NPFFR2: variants seen among roughly 807,000 people sequenced by gnomAD.
The protein encoded by NPFFR2 is G-protein coupled receptor 74.
A neutral mutation model predicts 13.1 loss-of-function variants in NPFFR2; 15 were observed. The ratio of observed to expected loss-of-function variants is 1.15; its 90% confidence interval spans 0.77 to 1.76. The LOEUF (loss-of-function observed/expected upper bound fraction) is 1.76. NPFFR2 is among the 40% of genes most tolerant of loss of function. The pLI, the probability that NPFFR2 is intolerant of heterozygous loss-of-function variation, is 0.00. For synonymous variants in NPFFR2, 190 were observed against 175.7 expected (o/e 1.08, Z -0.65); for missense variants, 572 against 503.5 (o/e 1.14, Z -1.30).
chr4:72,121,497 G>C (rs963415309), intron 1 of NPFFR2, among the ~76,000 whole-genome samples: 2 of 152,162 alleles, frequency 1.3e-5, no homozygotes, highest in East Asian at 3.9e-4. Flanking sequence ...AGGGCAACCA[G>C]AGAGAAAGGT....
chr4:72,127,168 G>A (rs756459391), intron 1 of NPFFR2, among the ~76,000 whole-genome samples: 2 of 150,460 alleles, frequency 1.3e-5, no homozygotes. Flanking sequence ...GCTGGGCGTG[G>A]TGGCGGGTGC....
intron 1 of NPFFR2, among the ~76,000 whole-genome samples, chr4:72,115,461 G>A (rs1721686186): frequency 6.6e-6 from 1 of 152,134 alleles, no homozygotes. Context: ...GGAGGGCATG[G>A]GAATAACTGC....
At chr4:72,039,484 C>A in intron 1 of NPFFR2, 1 of 593,920 alleles carries the variant, frequency 1.7e-6, no homozygotes, top group Non-Finnish European at 2.1e-6. Flanking sequence ...CATATATACA[C>A]TCTCAAATCA....
At chr4:72,098,555 A>C (rs1004659046) in intron 1 of NPFFR2, among the ~76,000 whole-genome samples, 4 of 152,084 alleles carry the variant, frequency 2.6e-5, no homozygotes, top group African/African-American at 4.8e-5. Context: ...TTCTTCTTCC[A>C]GTGTGGTCTA....
chr4:72,090,536 C>G (rs1400370027), intron 1 of NPFFR2, among the ~76,000 whole-genome samples: 1 of 152,068 alleles, frequency 6.6e-6, no homozygotes, highest in South Asian at 2.1e-4. Flanking sequence ...AGAGATCTCT[C>G]ACCCCTCTGG....
intron 1 of NPFFR2, among the ~76,000 whole-genome samples, chr4:72,038,111 T>G (rs560381678): frequency 6.6e-5 from 10 of 152,264 alleles, no homozygotes; most frequent in Middle Eastern, 3.4e-3. Flanking sequence ...CATTCTCAAT[T>G]ACAACTTTTG....
intron 1 of NPFFR2, among the ~76,000 whole-genome samples, chr4:72,108,148 G>A (rs1379408184): frequency 6.6e-6 from 1 of 151,966 alleles, no homozygotes; most frequent in East Asian, 1.9e-4. Context: ...ATATACCACA[G>A]CAGAGTGAGG....
chr4:72,068,433 G>A (rs1457228326), intron 1 of NPFFR2, among the ~76,000 whole-genome samples: 3 of 152,186 alleles, frequency 2.0e-5, no homozygotes, highest in Non-Finnish European at 4.4e-5. Context: ...GAGCCCTCAT[G>A]CTCTAATCAC....
chr4:72,083,844 G>T lies in NPFFR2; in HGVS notation c.-7-44741G>T, dbSNP rs371170036. 3.9e-5 allele frequency among the ~76,000 whole-genome samples: 6 copies of T among 152,054 alleles called. No individual in the cohort carries two copies. The East Asian group carries it at 9.7e-4, about 24-fold the overall frequency. ...CTAAAAGGCATCTTATATTTAGTACGGCCAAAACATAACAGGCTTTCCAAC... is the reference window on the plus strand; with the variant it reads ...CTAAAAGGCATCTTATATTTAGTACTGCCAAAACATAACAGGCTTTCCAAC... On this transcript the variant is annotated intron_variant, in intron 1 of 3. Coordinates refer to ENST00000308744, the MANE Select transcript of NPFFR2 (RefSeq NM_004885.3).
rs752628795 is a variant in NPFFR2, at chr4:72,146,989, T to C, written c.440T>C (p.Val147Ala). 14 of 1,608,998 alleles carry C rather than the reference T, an allele frequency of 8.7e-6. No homozygotes were observed. Among genetic ancestry groups the C allele is most frequent in the East Asian group, 4.5e-5 (2 of 44,810 alleles). ...VAIAVDRFQC[V>A]VYPFKPKLTI... ...GTGTTTAATTGCAGGTTCCAGTGTGTGGTCTACCCTTTTAAACCAAAGCTC... is the reference window on the plus strand; with the variant it reads ...GTGTTTAATTGCAGGTTCCAGTGTGCGGTCTACCCTTTTAAACCAAAGCTC... The change falls in exon 4 of 4, where the codon GTG becomes GCG. Residue 147 changes from valine to alanine, a missense_variant. Transcript: ENST00000308744.
rs138138130 is a variant in NPFFR2 at position 72,106,211 on chromosome 4, A to G, written c.-7-22374A>G. Reference sequence around the variant, plus strand: ...CAGTGGACTTGCGTCTGCCTTACAGACACACCTGAGACATCTAACATGGAA... The same window carrying G: ...CAGTGGACTTGCGTCTGCCTTACAGGCACACCTGAGACATCTAACATGGAA... On this transcript the variant is annotated intron_variant, in intron 1 of 3. Coordinates refer to ENST00000308744, the MANE Select transcript of NPFFR2 (RefSeq NM_004885.3). Among the ~76,000 whole-genome samples, 689 of 152,138 alleles carry G rather than the reference A, an allele frequency of 4.5e-3. 3 individuals are homozygous for G. The highest frequency in any genetic ancestry group is 0.016 in the African/African-American group (659 of 41,512).
At chr4:72,070,564 G>T (rs1338209929) in intron 1 of NPFFR2, among the ~76,000 whole-genome samples, 1 of 1,748 alleles carries the variant, frequency 5.7e-4, no homozygotes, top group Non-Finnish European at 2.7e-3. Context: ...TGTGTGTGGG[G>T]GGGGGGGGTG....
chr4:72,135,511 A>G (rs910062009), intron 2 of NPFFR2, among the ~76,000 whole-genome samples: 14 of 151,972 alleles, frequency 9.2e-5, no homozygotes, highest in South Asian at 4.1e-4. Context: ...ACTCCTCAAT[A>G]CTGTTACCGT....
intron 1 of NPFFR2, among the ~76,000 whole-genome samples, chr4:72,048,568 T>G (rs1263681661): frequency 2.0e-5 from 3 of 152,084 alleles, no homozygotes; most frequent in Non-Finnish European, 4.4e-5. Flanking sequence ...ACAAATAGCT[T>G]AAAAATATAT....
chr4:72,052,745 A>G (rs550571293), intron 1 of NPFFR2, among the ~76,000 whole-genome samples: 3 of 151,968 alleles, frequency 2.0e-5, no homozygotes, highest in Non-Finnish European at 4.4e-5. Flanking sequence ...AGAGTCTGGC[A>G]CCTTTTTAAG....
intron 1 of NPFFR2, among the ~76,000 whole-genome samples, chr4:72,106,635 C>T (rs1721427906): frequency 6.6e-6 from 1 of 152,024 alleles, no homozygotes; most frequent in Non-Finnish European, 1.5e-5. Flanking sequence ...CTTTCTGCCA[C>T]TCTAAACTTG....
At chr4:72,116,446 A>G (rs1406845701) in intron 1 of NPFFR2, among the ~76,000 whole-genome samples, 2 of 151,840 alleles carry the variant, frequency 1.3e-5, no homozygotes, top group Non-Finnish European at 2.9e-5. Flanking sequence ...ATAAAGGGTG[A>G]AAAACTACCT....
chr4:72,080,149 TG>T (rs1198056760), intron 1 of NPFFR2, among the ~76,000 whole-genome samples: 33 of 30,152 alleles, frequency 1.1e-3, no homozygotes, highest in Non-Finnish European at 8.3e-3. Flanking sequence ...TTGTTGTTGT[TG>T]TTGTTGTTTT....
At chr4:72,066,875 A>G (rs1385403679) in intron 1 of NPFFR2, among the ~76,000 whole-genome samples, 1 of 152,138 alleles carries the variant, frequency 6.6e-6, no homozygotes, top group Non-Finnish European at 1.5e-5. Flanking sequence ...TTGGGTGCCT[A>G]CAGCTCTCCC....
Sources: allele counts gnomAD v4.1 joint callset (sites outside exome capture counted in the v4.1 genomes callset), GRCh38; gene constraint gnomAD v4.1.1; transcripts MANE v1.5; gene names NCBI Gene and HGNC (gene_info 2026-07-23, HGNC 2026-07-21).